The following DACH2 variants were observed in gnomAD, a reference collection of about 807,000 sequenced individuals.
The protein encoded by DACH2 is dachshund homolog 2.
A neutral mutation model predicts 35.8 loss-of-function variants in DACH2; 17 were observed. The observed-to-expected ratio is 0.48, with a 90% CI of 0.33 to 0.71. The LOEUF (loss-of-function observed/expected upper bound fraction) is 0.71, where lower values mean the gene tolerates loss of function less well. Ranked by LOEUF, DACH2 falls within the 30% of genes least tolerant of loss-of-function variation. The pLI is 0.02. For missense variants in DACH2, 469 were observed against 472.7 expected, an observed-to-expected ratio of 0.99 and a Z score of 0.07; for synonymous variants, 195 against 177.3, an observed-to-expected ratio of 1.10 and a Z score of -0.79.
At chrX:86,726,851 G>A (rs1336840371) in intron 6 of DACH2, among the ~76,000 whole-genome samples, 2 of 111,692 alleles carry the variant, frequency 1.8e-5, no homozygotes, top group African/African-American at 6.5e-5. Flanking sequence ...TTGGTCCCCA[G>A]CCAGCCCCCA....
At chrX:86,534,022 G>A (rs1039295251) in intron 3 of DACH2, among the ~76,000 whole-genome samples, 4 of 112,154 alleles carry the variant, frequency 3.6e-5, no homozygotes, top group African/African-American at 9.7e-5. Flanking sequence ...CAGAAAATTG[G>A]ACTGATAACT....
rs184619542 is a variant in DACH2, at chrX:86,165,800, A to C, written c.488+16692A>C. ...TGTGGGTTGTCTCTTCACTTTGTTAAATGTATCCTTTGCTGTGCAGAAGCT... is the reference window on the plus strand; with the variant it reads ...TGTGGGTTGTCTCTTCACTTTGTTACATGTATCCTTTGCTGTGCAGAAGCT... On this transcript the variant is annotated intron_variant, in intron 1 of 11. Transcript: ENST00000373125. 2.1e-4 allele frequency among the ~76,000 whole-genome samples: 23 copies of C among 111,013 alleles called. No individual in the cohort carries two copies. In the East Asian group the frequency reaches 6.2e-3, roughly 30 times the overall value.
intron 7 of DACH2, among the ~76,000 whole-genome samples, chrX:86,791,203 A>G (rs2042183942): frequency 9.0e-6 from 1 of 110,884 alleles, no homozygotes; most frequent in African/African-American, 3.3e-5. Flanking sequence ...TCAAACCCAT[A>G]TTGTTCAAGG....
intron 1 of DACH2, among the ~76,000 whole-genome samples, chrX:86,335,491 G>A (rs1311890460): frequency 9.0e-6 from 1 of 110,845 alleles, no homozygotes; most frequent in African/African-American, 3.3e-5. Context: ...TGGATTCCTA[G>A]GTATTTTATT....
intron 4 of DACH2, among the ~76,000 whole-genome samples, chrX:86,653,779 G>T (rs2040506837): frequency 9.7e-6 from 1 of 103,169 alleles, no homozygotes; most frequent in African/African-American, 3.6e-5. Context: ...AATTCTCCCT[G>T]CCGCAGCCTC....
chrX:86,817,865 G>A (rs1235731518), intron 11 of DACH2, among the ~76,000 whole-genome samples: 2 of 111,697 alleles, frequency 1.8e-5, no homozygotes, highest in African/African-American at 6.5e-5. Context: ...ACTTAGGAAA[G>A]GACACATTTA....
chrX:86,217,848 T>C (rs907581466), intron 1 of DACH2, among the ~76,000 whole-genome samples: 1 of 111,530 alleles, frequency 9.0e-6, no homozygotes, highest in Non-Finnish European at 1.9e-5. Context: ...AACCAAGTGA[T>C]TAGAAATTGT....
intron 7 of DACH2, among the ~76,000 whole-genome samples, chrX:86,755,903 AT>A (rs1006980718): frequency 2.7e-5 from 3 of 110,080 alleles, no homozygotes; most frequent in African/African-American, 9.9e-5. Flanking sequence ...GGCCGACCTG[AT>A]TTTTTTTATA....
intron 1 of DACH2, among the ~76,000 whole-genome samples, chrX:86,290,903 C>A (rs775889025): frequency 0.011 from 1,192 of 107,758 alleles, 14 homozygotes; most frequent in African/African-American, 0.039. Flanking sequence ...CTTGGCGATG[C>A]GGGCTCTTTT....
intron 2 of DACH2, among the ~76,000 whole-genome samples, chrX:86,412,136 G>T (rs1055930038): frequency 3.1e-4 from 35 of 111,565 alleles, no homozygotes; most frequent in African/African-American, 1.1e-3. Flanking sequence ...GGTAGGAGGA[G>T]CCCAAAGTGT....
At chrX:86,830,725 G>C (rs184403279) in intron 11 of DACH2, 2 of 111,534 alleles carry the variant, frequency 1.8e-5, no homozygotes, top group African/African-American at 6.5e-5. Context: ...AGTTTGTGTT[G>C]CATGATTTAA....
intron 3 of DACH2, among the ~76,000 whole-genome samples, chrX:86,567,561 C>T (rs943214662): frequency 9.0e-6 from 1 of 111,524 alleles, no homozygotes; most frequent in Non-Finnish European, 1.9e-5. Flanking sequence ...TGCTTACTTT[C>T]TCCCTCGTTT....
intron 1 of DACH2, among the ~76,000 whole-genome samples, chrX:86,224,379 C>T (rs1011424351): frequency 9.0e-6 from 1 of 111,536 alleles, no homozygotes; most frequent in Non-Finnish European, 1.9e-5. Flanking sequence ...AAGCATGTTC[C>T]ACATTATCTG....
chrX:86,306,281 C>T (rs1273083612), intron 1 of DACH2, among the ~76,000 whole-genome samples: 2 of 111,895 alleles, frequency 1.8e-5, no homozygotes, highest in Admixed American at 9.5e-5. Flanking sequence ...AGAATGAAAT[C>T]CTGTTATTTG....
intron 2 of DACH2, among the ~76,000 whole-genome samples, chrX:86,505,942 T>TA (rs1157237203): frequency 4.5e-5 from 5 of 112,078 alleles, no homozygotes; most frequent in Admixed American, 1.9e-4. Context: ...CCTAATGTGG[T>TA]AAAAAACTTC....
chrX:86,613,028 CT>C (rs1467692607), intron 3 of DACH2, among the ~76,000 whole-genome samples: 1 of 112,099 alleles, frequency 8.9e-6, no homozygotes, highest in Non-Finnish European at 1.9e-5. Flanking sequence ...TGTTGTTTTT[CT>C]GGCTAAATAT....
At chrX:86,533,101 G>A (rs2038747840) in intron 3 of DACH2, among the ~76,000 whole-genome samples, 1 of 109,224 alleles carries the variant, frequency 9.2e-6, no homozygotes, top group Admixed American at 9.7e-5. Context: ...CCAGGCTGCA[G>A]GGCAGTGGCA....
intron 1 of DACH2, among the ~76,000 whole-genome samples, chrX:86,256,832 T>G (rs895403061): frequency 9.0e-6 from 1 of 111,435 alleles, no homozygotes; most frequent in Non-Finnish European, 1.9e-5. Context: ...GTTTAGAGAT[T>G]AGATCTCCAC....
At chrX:86,552,763 T>A (rs1356320502) in intron 3 of DACH2, among the ~76,000 whole-genome samples, 1 of 111,595 alleles carries the variant, frequency 9.0e-6, no homozygotes, top group Non-Finnish European at 1.9e-5. Flanking sequence ...TATTTTTTTT[T>A]AATAATTGAC....
Sources: allele counts gnomAD v4.1 joint callset (sites outside exome capture counted in the v4.1 genomes callset), GRCh38; gene constraint gnomAD v4.1.1; transcripts MANE v1.5; gene names NCBI Gene and HGNC (gene_info 2026-07-23, HGNC 2026-07-21).